Variants in OR51C1 observed in about 807,000 individuals in gnomAD.
The protein encoded by OR51C1 is olfactory receptor family 51 subfamily C member 1.
At chr11:4,690,792 G>A in the OR51C1 span, 1 of 424,480 alleles carries the variant, frequency 2.4e-6, no homozygotes, top group Non-Finnish European at 4.6e-6. Flanking sequence ...TTTTATCACA[G>A]CTCTACGTAT....
chr11:4,691,225 G>A, the OR51C1 span: 1 of 456,828 alleles, frequency 2.2e-6, no homozygotes, highest in Non-Finnish European at 4.4e-6. Flanking sequence ...GCTACCATTG[G>A]TGTCAGCATT....
the OR51C1 span, among the ~76,000 whole-genome samples, chr11:4,692,727 G>A: frequency 6.6e-6 from 1 of 151,986 alleles, no homozygotes; most frequent in Non-Finnish European, 1.5e-5. Flanking sequence ...GGAAAAGAAA[G>A]GGTGCTGGGT....
chr11:4,695,213 C>A, the OR51C1 span, among the ~76,000 whole-genome samples: 1 of 152,210 alleles, frequency 6.6e-6, no homozygotes, highest in Non-Finnish European at 1.5e-5. Flanking sequence ...TTATTGACCA[C>A]TGGAAGCAAG....
the OR51C1 span, among the ~76,000 whole-genome samples, chr11:4,692,801 C>T: frequency 1.4e-5 from 2 of 147,764 alleles, no homozygotes; most frequent in African/African-American, 5.0e-5. Context: ...CAGACTCACA[C>T]ATTCACCCTG....
the OR51C1 span, among the ~76,000 whole-genome samples, chr11:4,697,332 T>G: frequency 6.6e-6 from 1 of 152,230 alleles, no homozygotes; most frequent in Non-Finnish European, 1.5e-5. Flanking sequence ...GGCAATGCGT[T>G]CGAAATTGGT....
At chr11:4,694,954 C>A in the OR51C1 span, among the ~76,000 whole-genome samples, 58 of 152,156 alleles carry the variant, frequency 3.8e-4, no homozygotes, top group African/African-American at 1.3e-3. Context: ...GGGAAGTGTG[C>A]TTTTGCAGTG....
chr11:4,695,377 T>C, the OR51C1 span, among the ~76,000 whole-genome samples: 1 of 152,212 alleles, frequency 6.6e-6, no homozygotes, highest in South Asian at 2.1e-4. Context: ...AATAAAAGCT[T>C]CCCACAGTTT....
chr11:4,693,666 G>A, the OR51C1 span, among the ~76,000 whole-genome samples: 2 of 152,056 alleles, frequency 1.3e-5, no homozygotes, highest in Admixed American at 6.5e-5. Flanking sequence ...GCTTCCAGGT[G>A]AACCGAGATG....
the OR51C1 span, among the ~76,000 whole-genome samples, chr11:4,693,883 A>T: frequency 1.3e-5 from 2 of 152,170 alleles, no homozygotes; most frequent in Non-Finnish European, 2.9e-5. Flanking sequence ...CCACTTAGAG[A>T]GTTTATAATC....
At chr11:4,692,394 A>G in the OR51C1 span, among the ~76,000 whole-genome samples, 4 of 152,358 alleles carry the variant, frequency 2.6e-5, no homozygotes, top group East Asian at 1.9e-4. Context: ...CCCACCTGAT[A>G]TAATGTGCTG....
chr11:4,692,262 A>G, the OR51C1 span: 1 of 364,064 alleles, frequency 2.7e-6, no homozygotes, highest in East Asian at 7.6e-5. Context: ...GGAAGTGACA[A>G]ATAAATGGCT....
the OR51C1 span, among the ~76,000 whole-genome samples, chr11:4,694,597 CACAT>C: frequency 6.6e-6 from 1 of 151,606 alleles, no homozygotes; most frequent in East Asian, 1.9e-4. Flanking sequence ...CACACACACA[CACAT>C]ATGCAGGGAG....
the OR51C1 span, among the ~76,000 whole-genome samples, chr11:4,696,729 C>A: frequency 6.6e-6 from 1 of 152,102 alleles, no homozygotes; most frequent in Middle Eastern, 3.2e-3. Flanking sequence ...AAGCTATATT[C>A]TCTCAACTAA....
At chr11:4,695,274 C>T in the OR51C1 span, among the ~76,000 whole-genome samples, 1 of 152,166 alleles carries the variant, frequency 6.6e-6, no homozygotes, top group Non-Finnish European at 1.5e-5. Context: ...TCATTTAATG[C>T]CAACAAAATT....
At chr11:4,691,287 G>C in the OR51C1 span, 1 of 457,228 alleles carries the variant, frequency 2.2e-6, no homozygotes, top group Non-Finnish European at 4.4e-6. Context: ...TCTGGAGTCA[G>C]TTAAAATCAT....
the OR51C1 span, among the ~76,000 whole-genome samples, chr11:4,695,189 A>G: frequency 6.6e-6 from 1 of 152,190 alleles, no homozygotes; most frequent in Non-Finnish European, 1.5e-5. Context: ...CATTTCTAAC[A>G]TTTTATTCAC....
chr11:4,693,871 C>A, the OR51C1 span, among the ~76,000 whole-genome samples: 1 of 152,132 alleles, frequency 6.6e-6, no homozygotes, highest in Non-Finnish European at 1.5e-5. Context: ...ACAAATAAAA[C>A]CCCACTTAGA....
At chr11:4,695,188 C>T in the OR51C1 span, among the ~76,000 whole-genome samples, 1 of 152,180 alleles carries the variant, frequency 6.6e-6, no homozygotes, top group South Asian at 2.1e-4. Context: ...ACATTTCTAA[C>T]ATTTTATTCA....
At chr11:4,693,067 A>G in the OR51C1 span, among the ~76,000 whole-genome samples, 1 of 152,302 alleles carries the variant, frequency 6.6e-6, no homozygotes, top group East Asian at 1.9e-4. Context: ...TAGTTAATGT[A>G]TAGTATATTT....
Sources: allele counts gnomAD v4.1 joint callset (sites outside exome capture counted in the v4.1 genomes callset), GRCh38; gene constraint gnomAD v4.1.1; transcripts MANE v1.5; gene names NCBI Gene and HGNC (gene_info 2026-07-23, HGNC 2026-07-21).